PDE4D: variants seen among roughly 807,000 people sequenced by gnomAD.
PDE4D encodes the protein phosphodiesterase 4D, also known as 3',5'-cyclic-AMP phosphodiesterase 4D.
A neutral mutation model predicts 87.4 loss-of-function variants in PDE4D; 24 were observed. The observed-to-expected ratio is 0.27, with a 90% CI of 0.20 to 0.39. PDE4D has a LOEUF of 0.39. Ranked by LOEUF, PDE4D falls within the 10% of genes least tolerant of loss-of-function variation. PDE4D has a pLI of 1.00. For missense variants in PDE4D, 714 were observed against 1,041.0 expected (o/e 0.69, Z 4.32); for synonymous variants, 384 against 383.2 (o/e 1.00, Z -0.02).
At chr5:59,877,130 G>A (rs6890468) in intron 1 of PDE4D, among the ~76,000 whole-genome samples, 4 of 152,114 alleles carry the variant, frequency 2.6e-5, no homozygotes, top group East Asian at 3.9e-4. Context: ...TTCTTGTCAG[G>A]TGTGGGTCTT....
At chr5:59,034,631 A>G (rs1561355899) in intron 6 of PDE4D, among the ~76,000 whole-genome samples, 1 of 152,246 alleles carries the variant, frequency 6.6e-6, no homozygotes, top group Non-Finnish European at 1.5e-5. Flanking sequence ...CACCCAGCAA[A>G]GCAATTTAAT....
chr5:60,463,663 A>G (rs1459571882), intron 1 of PDE4D, among the ~76,000 whole-genome samples: 1 of 152,210 alleles, frequency 6.6e-6, no homozygotes, highest in African/African-American at 2.4e-5. Context: ...CCATCTGACC[A>G]GCATGCAGTC....
intron 1 of PDE4D, among the ~76,000 whole-genome samples, chr5:59,823,399 C>T (rs1004485206): frequency 7.2e-5 from 11 of 152,084 alleles, no homozygotes; most frequent in Admixed American, 7.2e-4. Context: ...TAGTTTATCT[C>T]CAACTGCCTG....
intron 1 of PDE4D, among the ~76,000 whole-genome samples, chr5:59,889,962 A>G (rs1458885652): frequency 6.6e-6 from 1 of 152,162 alleles, no homozygotes; most frequent in Non-Finnish European, 1.5e-5. Context: ...AAAAGAATTG[A>G]CCACAAAATA....
chr5:60,077,231 A>C (rs1464262428), intron 2 of PDE4D, among the ~76,000 whole-genome samples: 1 of 152,218 alleles, frequency 6.6e-6, no homozygotes, highest in African/African-American at 2.4e-5. Context: ...AGGTGCACTC[A>C]TGCAGGCAGC....
intron 2 of PDE4D, among the ~76,000 whole-genome samples, chr5:59,208,723 T>C (rs1749402918): frequency 6.6e-6 from 1 of 152,224 alleles, no homozygotes; most frequent in Non-Finnish European, 1.5e-5. Context: ...TTAGCTAATT[T>C]ATAAGACTTA....
intron 1 of PDE4D, among the ~76,000 whole-genome samples, chr5:59,350,566 G>C (rs746491911): frequency 2.0e-4 from 31 of 152,126 alleles, no homozygotes; most frequent in Non-Finnish European, 3.7e-4. Flanking sequence ...TTTGCTAATA[G>C]GTTCATTCAT....
At chr5:59,327,467 C>T (rs1026304044) in intron 1 of PDE4D, among the ~76,000 whole-genome samples, 6 of 151,918 alleles carry the variant, frequency 3.9e-5, no homozygotes, top group Admixed American at 1.3e-4. Context: ...CTTAAGAAAG[C>T]GATAGCACAA....
intron 2 of PDE4D, among the ~76,000 whole-genome samples, chr5:60,169,124 A>T (rs1783186139): frequency 6.6e-6 from 1 of 152,132 alleles, no homozygotes; most frequent in Admixed American, 6.5e-5. Flanking sequence ...ATTAATCTCC[A>T]AGAACTATTT....
chr5:59,136,419 G>A (rs1777087934), intron 5 of PDE4D, among the ~76,000 whole-genome samples: 1 of 152,126 alleles, frequency 6.6e-6, no homozygotes, highest in African/African-American at 2.4e-5. Context: ...TCACAAAGAT[G>A]TTCAGGCACA....
intron 1 of PDE4D, among the ~76,000 whole-genome samples, chr5:59,235,793 G>A (rs1374062485): frequency 6.6e-6 from 1 of 152,132 alleles, no homozygotes; most frequent in African/African-American, 2.4e-5. Flanking sequence ...TTTAGCAAGA[G>A]TCCTTCATTT....
intron 1 of PDE4D, among the ~76,000 whole-genome samples, chr5:59,260,829 A>C (rs114053381): frequency 0.013 from 2,038 of 151,868 alleles, 19 homozygotes; most frequent in Non-Finnish European, 0.019. Flanking sequence ...ATTCAATTAA[A>C]ATCTTATAAG....
intron 2 of PDE4D, among the ~76,000 whole-genome samples, chr5:60,077,108 A>C (rs979192500): frequency 2.0e-5 from 3 of 152,136 alleles, no homozygotes; most frequent in Admixed American, 2.0e-4. Flanking sequence ...GTCCAGTTTC[A>C]CATTGCTGGA....
intron 1 of PDE4D, among the ~76,000 whole-genome samples, chr5:60,351,547 T>C (rs1186840446): frequency 6.6e-6 from 1 of 152,148 alleles, no homozygotes; most frequent in South Asian, 2.1e-4. Flanking sequence ...ATGTGAGCCA[T>C]GTGCTTAGAA....
intron 1 of PDE4D, among the ~76,000 whole-genome samples, chr5:59,625,050 A>T (rs1830738516): frequency 6.6e-6 from 1 of 152,192 alleles, no homozygotes; most frequent in African/African-American, 2.4e-5. Flanking sequence ...GGAAAAAGGA[A>T]TTTTTGTAGA....
At chr5:59,255,402 TG>T (rs1760781754) in intron 1 of PDE4D, among the ~76,000 whole-genome samples, 1 of 151,908 alleles carries the variant, frequency 6.6e-6, no homozygotes, top group South Asian at 2.1e-4. Flanking sequence ...CCTAGAGCTG[TG>T]GGGTGGAAGG....
chr5:59,723,197 T>TA (rs920886892), intron 1 of PDE4D, among the ~76,000 whole-genome samples: 74 of 152,074 alleles, frequency 4.9e-4, no homozygotes, highest in African/African-American at 1.6e-3. Flanking sequence ...CAGAATACCT[T>TA]AAAAAAACAA....
At chr5:59,301,202 G>C (rs565110631) in intron 1 of PDE4D, among the ~76,000 whole-genome samples, 9 of 152,130 alleles carry the variant, frequency 5.9e-5, no homozygotes, top group African/African-American at 1.9e-4. Context: ...CAATCAGAAA[G>C]GCAGGAACAG....
intron 3 of PDE4D, among the ~76,000 whole-genome samples, chr5:59,980,190 T>A (rs1023198302): frequency 1.2e-4 from 18 of 152,350 alleles, no homozygotes; most frequent in African/African-American, 4.3e-4. Context: ...TAAGCTCTCC[T>A]TAAACACTTC....
Sources: allele counts gnomAD v4.1 joint callset (sites outside exome capture counted in the v4.1 genomes callset), GRCh38; gene constraint gnomAD v4.1.1; transcripts MANE v1.5; gene names NCBI Gene and HGNC (gene_info 2026-07-23, HGNC 2026-07-21).